Variants in C2orf74 observed in about 807,000 individuals in gnomAD.
C2orf74 encodes the protein DPM1 ER membrane anchor 1.
A neutral mutation model predicts 17.9 loss-of-function variants in C2orf74; 14 were observed. The ratio of observed to expected loss-of-function variants is 0.78; its 90% CI spans 0.52 to 1.22. C2orf74 has a LOEUF of 1.22. C2orf74 is among the 50% of genes most tolerant of loss of function. C2orf74 has a pLI of 0.00. For missense variants in C2orf74, 217 were observed against 218.4 expected, an observed-to-expected ratio of 0.99 and a Z score of 0.04; for synonymous variants, 79 against 72.6, an observed-to-expected ratio of 1.09 and a Z score of -0.44.
chr2:61,151,912 T>A (rs1162453664), intron 1 of C2orf74: 2 of 152,372 alleles, frequency 1.3e-5, no homozygotes, highest in African/African-American at 4.8e-5. Flanking sequence ...TCAGTCCAGG[T>A]ACATTGTGGC....
At chr2:61,157,007 C>A (rs1685410825) in intron 1 of C2orf74, among the ~76,000 whole-genome samples, 2 of 152,158 alleles carry the variant, frequency 1.3e-5, no homozygotes, top group African/African-American at 4.8e-5. Context: ...ACCAGTTGAC[C>A]AGATCCCTCA....
rs1001098845 is a variant in C2orf74, at chr2:61,162,902, T to C, written c.156T>C (p.Gly52=). 4 of 1,552,166 alleles carry C rather than the reference T, an allele frequency of 2.6e-6. No individual in the cohort carries two copies. Among genetic ancestry groups the C allele is most frequent in the Non-Finnish European group, 3.5e-6 (4 of 1,147,082 alleles). The change falls in exon 3 of 5, where the codon GGT becomes GGC. Residue 52 remains glycine (G), a synonymous_variant. Coordinates refer to ENST00000432605, the MANE Select transcript of C2orf74 (RefSeq NM_001143959.4). ...KKVPCTDANG[G]VDCAAAKVVT... ...TGCCTTGTACAGATGCAAACGGAGG[T>C]GTAGACTGTGCAGCTGCCAAAGTGG...
At chr2:61,150,703 G>T (rs1343773580) in intron 1 of C2orf74, among the ~76,000 whole-genome samples, 1 of 152,198 alleles carries the variant, frequency 6.6e-6, no homozygotes, top group Non-Finnish European at 1.5e-5. Context: ...AAGCCCCACA[G>T]CATGGAGCAG....
chr2:61,149,574 C>CTTTTTT (rs70959895), intron 1 of C2orf74, among the ~76,000 whole-genome samples: 7 of 80,014 alleles, frequency 8.7e-5, no homozygotes, highest in African/African-American at 1.6e-4. Context: ...GGGCGCCTTT[C>CTTTTTT]TTTTTTTTTT....
chr2:61,150,567 A>G (rs1037158873), intron 1 of C2orf74, among the ~76,000 whole-genome samples: 3 of 152,150 alleles, frequency 2.0e-5, no homozygotes, highest in African/African-American at 7.2e-5. Context: ...ATGTTCCTTT[A>G]TGCCCACATA....
At position 61,164,489 on chromosome 2, in the gene C2orf74, C is replaced by T. The variant is rs1685669431; in HGVS notation, c.526C>T (p.Pro176Ser). ...VVDLGNEYPT[P>S]RSYTREHKER... is the part of the protein sequence containing the mutation. The stretch of plus-strand genomic sequence containing the variant: ...GGATCTTGGGAATGAATACCCTACA[C>T]CTCGAAGCTATACTCGAGAACATAA... Residue 176 changes from proline (P) to serine (S), a missense_variant, in exon 5 of 5, where the codon CCT becomes TCT. Physicochemically the swap from Pro to Ser is moderately conservative, Grantham distance 74 (BLOSUM62 -1). Transcript: ENST00000432605. 6.5e-7 allele frequency: 1 copy of T among 1,548,194 alleles called. No homozygotes were observed. Among genetic ancestry groups the T allele is most frequent in the Non-Finnish European group, 8.7e-7 (1 of 1,145,760 alleles).
chr2:61,156,193 A>G (rs1304673388), intron 1 of C2orf74, among the ~76,000 whole-genome samples: 1 of 152,158 alleles, frequency 6.6e-6, no homozygotes, highest in African/African-American at 2.4e-5. Context: ...AGCAAGACCC[A>G]GTGTCAAGAA....
chr2:61,147,154 G>C (rs938128304), intron 1 of C2orf74, among the ~76,000 whole-genome samples: 1 of 151,824 alleles, frequency 6.6e-6, no homozygotes, highest in African/African-American at 2.4e-5. Flanking sequence ...AGGCAACAGA[G>C]GAAGACTCTC....
At chr2:61,157,831 C>A (rs1453736279), upstream of C2orf74, 2 of 468,420 alleles carry the variant, frequency 4.3e-6, no homozygotes, top group Admixed American at 2.4e-5. Flanking sequence ...CTCACTCATC[C>A]TGTAATTCCT....
chr2:61,162,613 T>A lies in C2orf74; in HGVS notation c.95+4T>A, dbSNP rs569462923. On this transcript the variant is annotated splice_donor_region_variant and intron_variant, in intron 2 of 4. Transcript: ENST00000432605. The stretch of plus-strand genomic sequence containing the variant: ...TGGTGGTTTTTTTATATAAATGGTA[T>A]AAATCCATGCTGATAATTGGGATCA... 25 of 1,475,976 alleles carry A rather than the reference T, an allele frequency of 1.7e-5. No homozygotes were observed. In the African/African-American group the frequency reaches 3.1e-4, roughly 18 times the overall value. The allele number at this position is 1,475,976 out of a possible 1,614,324, so 91.4% of individuals were successfully genotyped here. A position where few individuals can be genotyped will look rare whatever the true frequency, so the allele number is the denominator to read the frequency against.
chr2:61,147,943 A>G (rs1349439957), intron 1 of C2orf74, among the ~76,000 whole-genome samples: 1 of 149,600 alleles, frequency 6.7e-6, no homozygotes. Flanking sequence ...AATTTTTTGT[A>G]TTTTTAGTAG....
intron 1 of C2orf74, among the ~76,000 whole-genome samples, chr2:61,147,648 C>CT (rs1406370405): frequency 2.6e-5 from 4 of 152,090 alleles, no homozygotes; most frequent in Non-Finnish European, 5.9e-5. Context: ...TGAGAAGTAC[C>CT]TTTTTTCTAT....
rs549795607 is a variant in C2orf74, at chr2:61,148,648, G to C, written c.-122+3452G>C. Reference sequence around the variant, plus strand: ...TCAAGACTTTTGCCCATTTTCTATTGTCTTATTGATTTACAAGAGTTCTTT... The same window carrying C: ...TCAAGACTTTTGCCCATTTTCTATTCTCTTATTGATTTACAAGAGTTCTTT... On this transcript the variant is annotated intron_variant, in intron 1 of 3. Transcript: ENST00000426997. 2.0e-5 allele frequency among the ~76,000 whole-genome samples: 3 copies of C among 152,166 alleles called. No homozygotes were observed. In the South Asian group the frequency reaches 6.2e-4, roughly 31 times the overall value.
intron 3 of C2orf74, 42 bp downstream of exon 3, chr2:61,162,997 G>T: frequency 6.4e-7 from 1 of 1,551,842 alleles, no homozygotes; most frequent in East Asian, 2.4e-5. Flanking sequence ...TTTTGTGTTT[G>T]ATAGTGGGGA....
rs895345868 is a variant in C2orf74 at position 61,148,483 on chromosome 2, G to C, written c.-122+3287G>C. On this transcript the variant is annotated intron_variant, in intron 1 of 3. Transcript: ENST00000426997. Reference sequence around the variant, plus strand: ...ATAACAGGCATCAGCCATGCACCTGGCCTGGAAAGGAATATTTTAATAAAA... The same window carrying C: ...ATAACAGGCATCAGCCATGCACCTGCCCTGGAAAGGAATATTTTAATAAAA... Among the ~76,000 whole-genome samples the C allele has an allele frequency of 5.3e-5, 8 of 152,224 alleles. No individual in the cohort carries two copies. The East Asian group carries it at 1.5e-3, about 29-fold the overall frequency.
At chr2:61,155,220 G>A (rs1685357712) in intron 1 of C2orf74, among the ~76,000 whole-genome samples, 2 of 152,148 alleles carry the variant, frequency 1.3e-5, no homozygotes, top group Non-Finnish European at 2.9e-5. Context: ...GATTAAGAAA[G>A]ACTTTGACAT....
chr2:61,164,545 G>C lies in C2orf74; in HGVS notation c.*18G>C. The C allele has an allele frequency of 6.8e-7, 1 of 1,474,894 alleles. No homozygotes were observed. The highest frequency in any genetic ancestry group is 1.4e-5 in the South Asian group (1 of 71,454). 91.4% of individuals were successfully genotyped at this position (1,474,894 alleles called of 1,614,324 possible). A position where few individuals can be genotyped will look rare whatever the true frequency, so the allele number is the denominator to read the frequency against. On this transcript the variant is annotated 3_prime_UTR_variant, in exon 5 of 5. Transcript: ENST00000432605. ...GGAAATGAAGCTCAAAAAAGGGTAA[G>C]AGTGAAAGAAAATGTAACGTTTGAC...
Position 61,164,669 on chromosome 2 carries a change from G to A in C2orf74, c.*142G>A. 1.6e-6 allele frequency: 1 copy of A among 635,494 alleles called. No homozygotes were observed. The highest frequency in any genetic ancestry group is 2.4e-6 in the Non-Finnish European group (1 of 418,710). The allele number at this position is 635,494 out of a possible 1,614,324, so 39.4% of individuals were successfully genotyped here. On this transcript the variant is annotated 3_prime_UTR_variant, in exon 5 of 5. Coordinates refer to ENST00000432605, the MANE Select transcript of C2orf74 (RefSeq NM_001143959.4). Reference sequence around the variant, plus strand: ...TTATTTTACCTTTGTGCAGAAAGGAGTGAGCCATGTGCAAAATTCTGTAAG... The same window carrying A: ...TTATTTTACCTTTGTGCAGAAAGGAATGAGCCATGTGCAAAATTCTGTAAG...
intron 1 of C2orf74, among the ~76,000 whole-genome samples, chr2:61,146,644 G>A (rs1685077607): frequency 6.6e-6 from 1 of 152,150 alleles, no homozygotes; most frequent in Non-Finnish European, 1.5e-5. Context: ...GACCGTCGTG[G>A]CCAATGTGGT....
Sources: allele counts gnomAD v4.1 joint callset (sites outside exome capture counted in the v4.1 genomes callset), GRCh38; gene constraint gnomAD v4.1.1; transcripts MANE v1.5; gene names NCBI Gene and HGNC (gene_info 2026-07-23, HGNC 2026-07-21).